PDZRN4: variants seen among roughly 807,000 people sequenced by gnomAD.
PDZRN4 encodes PDZ domain-containing RING finger protein 4.
A neutral mutation model predicts 99.0 loss-of-function variants in PDZRN4; 70 were observed. That is an observed-to-expected ratio of 0.71 (90% CI 0.58 to 0.86). PDZRN4 has a LOEUF of 0.86. Ranked by LOEUF, PDZRN4 falls within the 40% of genes least tolerant of loss-of-function variation. PDZRN4 has a pLI of 0.00. For synonymous variants in PDZRN4, 551 were observed against 501.6 expected, an observed-to-expected ratio of 1.10 and a Z score of -1.32; for missense variants, 1,474 against 1,331.2, an observed-to-expected ratio of 1.11 and a Z score of -1.67.
chr12:41,380,700 A>T (rs1295752171), intron 3 of PDZRN4, among the ~76,000 whole-genome samples: 1 of 152,042 alleles, frequency 6.6e-6, no homozygotes, highest in Non-Finnish European at 1.5e-5. Flanking sequence ...AAATTATTAT[A>T]ATTATCGTTA....
intron 3 of PDZRN4, among the ~76,000 whole-genome samples, chr12:41,214,274 A>T (rs1188423047): frequency 1.4e-5 from 2 of 146,988 alleles, no homozygotes; most frequent in Non-Finnish European, 3.0e-5. Context: ...AAAAAAAAAA[A>T]AAAAGTTAAC....
intron 3 of PDZRN4, among the ~76,000 whole-genome samples, chr12:41,319,662 C>G (rs1375336433): frequency 2.0e-5 from 3 of 152,132 alleles, no homozygotes; most frequent in Admixed American, 2.0e-4. Flanking sequence ...CCAAAATCAG[C>G]CAGGGTTTAA....
rs549596773 is a variant in PDZRN4, at chr12:41,506,619, C to T, written c.1007C>T (p.Thr336Met). Residue 336 changes from threonine (T) to methionine (M), a missense_variant, in exon 4 of 10, where the codon ACG becomes ATG. Physicochemically the swap from Thr to Met is moderately conservative, Grantham distance 81. Coordinates refer to ENST00000402685, the MANE Select transcript of PDZRN4 (RefSeq NM_001164595.2). ...CAGCTTATGAATGCCAGCACTCAGA[C>T]GGACATCACCTTCGAACACATCATG... The part of the protein sequence containing the change: ...EVQLMNASTQ[T>M]DITFEHIMAL... The T allele has an allele frequency of 1.1e-5, 17 of 1,613,938 alleles. No homozygotes were observed. The highest frequency in any genetic ancestry group is 2.2e-5 in the South Asian group (2 of 91,076).
At chr12:41,376,643 A>G (rs937736532) in intron 3 of PDZRN4, among the ~76,000 whole-genome samples, 2 of 152,146 alleles carry the variant, frequency 1.3e-5, no homozygotes, top group East Asian at 1.9e-4. Context: ...TTTGTCAGGT[A>G]TATGGTTTGA....
At chr12:41,431,524 C>T (rs554177089) in intron 3 of PDZRN4, among the ~76,000 whole-genome samples, 1 of 152,266 alleles carries the variant, frequency 6.6e-6, no homozygotes, top group South Asian at 2.1e-4. Context: ...GGTCTGTTAC[C>T]TTATTTCGTC....
chr12:41,205,636 A>G (rs1950844186), intron 3 of PDZRN4, among the ~76,000 whole-genome samples: 1 of 151,912 alleles, frequency 6.6e-6, no homozygotes, highest in Admixed American at 6.6e-5. Flanking sequence ...ACCATTGCAG[A>G]CAAGCCTCCT....
intron 3 of PDZRN4, among the ~76,000 whole-genome samples, chr12:41,335,574 G>T (rs1274467681): frequency 6.6e-6 from 1 of 152,054 alleles, no homozygotes; most frequent in Non-Finnish European, 1.5e-5. Context: ...ATTAAGATAT[G>T]CAAACACTCC....
intron 3 of PDZRN4, among the ~76,000 whole-genome samples, chr12:41,421,287 C>T (rs1469676070): frequency 5.3e-5 from 8 of 152,236 alleles, no homozygotes; most frequent in African/African-American, 1.9e-4. Flanking sequence ...CAACCTCTGT[C>T]TCCCAGGTTC....
At chr12:41,388,119 A>G (rs2121113642) in intron 3 of PDZRN4, among the ~76,000 whole-genome samples, 1 of 152,310 alleles carries the variant, frequency 6.6e-6, no homozygotes, top group East Asian at 1.9e-4. Context: ...TGTCCTTTGC[A>G]GGGATATGGG....
At chr12:41,347,507 G>A (rs1040125685) in intron 3 of PDZRN4, among the ~76,000 whole-genome samples, 1 of 151,990 alleles carries the variant, frequency 6.6e-6, no homozygotes, top group South Asian at 2.1e-4. Context: ...TCTTTTTGTT[G>A]TTGACATGTA....
At chr12:41,526,179 C>T (rs766546515) in intron 5 of PDZRN4, among the ~76,000 whole-genome samples, 26 of 152,144 alleles carry the variant, frequency 1.7e-4, no homozygotes, top group Non-Finnish European at 3.1e-4. Context: ...AGCTAGTTTC[C>T]TGTATCTAAA....
intron 3 of PDZRN4, among the ~76,000 whole-genome samples, chr12:41,471,996 T>G (rs1259573623): frequency 2.1e-5 from 3 of 145,032 alleles, no homozygotes; most frequent in African/African-American, 7.9e-5. Flanking sequence ...AATATTATTC[T>G]ATATTACTTT....
At chr12:41,384,196 C>T (rs1378441165) in intron 3 of PDZRN4, among the ~76,000 whole-genome samples, 2 of 151,808 alleles carry the variant, frequency 1.3e-5, no homozygotes, top group African/African-American at 2.4e-5. Context: ...TAAATAACAA[C>T]AAAAAGTCAT....
chr12:41,569,494 C>T (rs529117690), intron 9 of PDZRN4, among the ~76,000 whole-genome samples: 14 of 151,344 alleles, frequency 9.3e-5, no homozygotes, highest in Non-Finnish European at 1.9e-4. Flanking sequence ...ACCTCAAGTG[C>T]TCCACCAGCC....
chr12:41,486,702 G>C (rs150035847), intron 3 of PDZRN4, among the ~76,000 whole-genome samples: 23 of 152,212 alleles, frequency 1.5e-4, no homozygotes, highest in African/African-American at 2.9e-4. Flanking sequence ...GTAAGAAAAG[G>C]GGGGAGAGCT....
intron 3 of PDZRN4, among the ~76,000 whole-genome samples, chr12:41,326,150 A>ATTTTTGCATT (rs112225105): frequency 8.0e-4 from 120 of 149,592 alleles, no homozygotes; most frequent in African/African-American, 1.7e-3. Flanking sequence ...CACTCGGCTA[A>ATTTTTGCATT]TTTTTTTTTT....
At chr12:41,298,277 G>A (rs568913287) in intron 3 of PDZRN4, among the ~76,000 whole-genome samples, 1 of 152,036 alleles carries the variant, frequency 6.6e-6, no homozygotes, top group Non-Finnish European at 1.5e-5. Flanking sequence ...ATAATTTGTA[G>A]TGCTTGAAGA....
At chr12:41,514,592 A>C (rs1938367402) in intron 5 of PDZRN4, among the ~76,000 whole-genome samples, 1 of 152,056 alleles carries the variant, frequency 6.6e-6, no homozygotes. Flanking sequence ...TGCCTTGCTT[A>C]TCATTGTATC....
Position 41,506,455 on chromosome 12 carries a change from G to C in PDZRN4, c.844-1G>C. ...TGAACAATGTCCTTATATGTTTGTAGGTCAATGGGAAGGATCTTTCAAAGG... is the reference window on the plus strand; with the variant it reads ...TGAACAATGTCCTTATATGTTTGTACGTCAATGGGAAGGATCTTTCAAAGG... On this transcript the variant is annotated splice_acceptor_variant, in intron 3 of 9. Transcript: ENST00000402685. LOFTEE classifies it high-confidence loss of function. 1 of 1,608,344 alleles carries C rather than the reference G, an allele frequency of 6.2e-7. No individual in the cohort carries two copies. Among genetic ancestry groups the C allele is most frequent in the Non-Finnish European group, 8.5e-7 (1 of 1,177,066 alleles).
Sources: gnomAD v4.1 joint callset for allele counts (sites outside exome capture counted in the v4.1 genomes callset) on GRCh38, gnomAD v4.1.1 for gene constraint, MANE v1.5 for transcripts, NCBI Gene and HGNC (gene_info 2026-07-23, HGNC 2026-07-21) for gene names.